MYOZ2: variants seen among roughly 807,000 people sequenced by gnomAD.
MYOZ2 encodes the protein myozenin 2.
In MYOZ2, 19 loss-of-function variants were observed where a neutral mutation model predicts 25.4. The ratio of observed to expected loss-of-function variants is 0.75; its 90% confidence interval spans 0.52 to 1.10. The LOEUF (loss-of-function observed/expected upper bound fraction) is 1.10, where lower values mean the gene tolerates loss of function less well. MYOZ2 is among the 50% of genes least tolerant of loss of function. The probability of loss-of-function intolerance (pLI) is 0.00; values close to 1 mark genes in which losing one functional copy is unlikely to be tolerated. For missense variants in MYOZ2, 270 were observed against 317.9 expected, an observed-to-expected ratio of 0.85 and a Z score of 1.15; for synonymous variants, 92 against 106.9, an observed-to-expected ratio of 0.86 and a Z score of 0.86.
chr4:119,186,225 A>C lies in MYOZ2; in HGVS notation c.*25A>C. ...AAAAGAAAGTTGTATGTGCCACATA[A>C]AACTCTGAATATAAAAGTTGCTGTT... is the stretch of plus-strand genomic sequence containing the variant. On this transcript the variant is annotated 3_prime_UTR_variant, in exon 6 of 6. Transcript: ENST00000307128. 3 of 1,567,858 alleles carry C rather than the reference A, an allele frequency of 1.9e-6. No homozygotes were observed. Among genetic ancestry groups the C allele is most frequent in the Non-Finnish European group, 2.6e-6 (3 of 1,139,160 alleles).
intron 5 of MYOZ2, among the ~76,000 whole-genome samples, chr4:119,167,162 A>G (rs1741841632): frequency 6.6e-6 from 1 of 152,244 alleles, no homozygotes; most frequent in Non-Finnish European, 1.5e-5. Context: ...CAAGGTGTGA[A>G]TGCAAAGGAA....
rs1742304153 is a variant in MYOZ2, at chr4:119,186,929, G to C, written c.*729G>C. 1 of 152,186 alleles carries C rather than the reference G, an allele frequency of 6.6e-6. No individual in the cohort carries two copies. Among genetic ancestry groups the C allele is most frequent in the Non-Finnish European group, 1.5e-5 (1 of 68,050 alleles). The allele number at this position is 152,186 out of a possible 1,614,324, so 9.4% of individuals were successfully genotyped here. A position where few individuals can be genotyped will look rare whatever the true frequency, so the allele number is the denominator to read the frequency against. ...TTCAAGTTTCACAAATCCCAATGCTGTGCATTGATTATGTTCAACTTTATG... is the reference window on the plus strand; with the variant it reads ...TTCAAGTTTCACAAATCCCAATGCTCTGCATTGATTATGTTCAACTTTATG... On this transcript the variant is annotated 3_prime_UTR_variant, in exon 6 of 6. Transcript: ENST00000307128.
At chr4:119,171,393 G>A (rs1741942595) in intron 5 of MYOZ2, among the ~76,000 whole-genome samples, 1 of 151,834 alleles carries the variant, frequency 6.6e-6, no homozygotes, top group Non-Finnish European at 1.5e-5. Context: ...TGCACTTTCT[G>A]TATCTTACAC....
At chr4:119,180,124 C>G (rs1742157721) in intron 5 of MYOZ2, among the ~76,000 whole-genome samples, 1 of 152,126 alleles carries the variant, frequency 6.6e-6, no homozygotes, top group African/African-American at 2.4e-5. Flanking sequence ...AGTAATTTAC[C>G]TTTGATCAAG....
intron 2 of MYOZ2, among the ~76,000 whole-genome samples, chr4:119,143,333 T>C (rs187154346): frequency 2.6e-5 from 4 of 152,072 alleles, no homozygotes; most frequent in African/African-American, 2.4e-5. Flanking sequence ...GTAGCTGGGA[T>C]TACAGGTGCA....
chr4:119,145,448 C>G lies in MYOZ2; in HGVS notation c.77-5424C>G, dbSNP rs368376495. ...CAACCACCTCCCAGGCTCAACTGAT[C>G]CTTCCACCTCAGCCTCCCAAGTAGC... On this transcript the variant is annotated intron_variant, in intron 2 of 5. Transcript: ENST00000307128. 1.4e-4 allele frequency among the ~76,000 whole-genome samples: 21 copies of G among 147,676 alleles called. No individual in the cohort carries two copies. The East Asian group carries it at 2.7e-3, about 19-fold the overall frequency.
chr4:119,175,611 G>T (rs1418425244), intron 5 of MYOZ2, among the ~76,000 whole-genome samples: 1 of 152,052 alleles, frequency 6.6e-6, no homozygotes, highest in Non-Finnish European at 1.5e-5. Context: ...AATTAGCCAG[G>T]TGTGGTGGCG....
chr4:119,178,134 T>C (rs968309009), intron 5 of MYOZ2, among the ~76,000 whole-genome samples: 2 of 152,176 alleles, frequency 1.3e-5, no homozygotes, highest in Non-Finnish European at 1.5e-5. Context: ...AAATGGCTGA[T>C]CATTCCCCCT....
At chr4:119,181,013 T>C (rs1199253933) in intron 5 of MYOZ2, among the ~76,000 whole-genome samples, 1 of 152,192 alleles carries the variant, frequency 6.6e-6, no homozygotes, top group Non-Finnish European at 1.5e-5. Context: ...ATAATACATA[T>C]ATATTTTTTA....
chr4:119,162,999 A>G (rs1741744034), intron 4 of MYOZ2, among the ~76,000 whole-genome samples: 1 of 152,220 alleles, frequency 6.6e-6, no homozygotes, highest in Admixed American at 6.5e-5. Context: ...TTAAAAAGTC[A>G]GAATTATCAA....
intron 2 of MYOZ2, among the ~76,000 whole-genome samples, chr4:119,139,197 G>A (rs904507530): frequency 1.3e-5 from 2 of 152,066 alleles, no homozygotes; most frequent in Admixed American, 6.6e-5. Flanking sequence ...CAGGCTGCCT[G>A]CTTTTAGATT....
chr4:119,147,055 T>C (rs1022785836), intron 2 of MYOZ2, among the ~76,000 whole-genome samples: 29 of 152,264 alleles, frequency 1.9e-4, no homozygotes, highest in Middle Eastern at 3.4e-3. Flanking sequence ...TTGATATATA[T>C]TTTTCCAATC....
intron 5 of MYOZ2, among the ~76,000 whole-genome samples, chr4:119,178,246 A>G (rs909347054): frequency 6.6e-6 from 1 of 152,152 alleles, no homozygotes; most frequent in Non-Finnish European, 1.5e-5. Context: ...CAAACTCCGT[A>G]TGTTAGGAAC....
chr4:119,137,283 G>A (rs1039931171), intron 2 of MYOZ2, among the ~76,000 whole-genome samples: 3 of 152,062 alleles, frequency 2.0e-5, no homozygotes, highest in African/African-American at 7.2e-5. Context: ...CAACTAACTT[G>A]AGAAAGCAAT....
Position 119,185,007 on chromosome 4 carries a change from G to A in MYOZ2, c.561-959G>A, listed in dbSNP as rs1463911378. 3.9e-5 allele frequency among the ~76,000 whole-genome samples: 6 copies of A among 152,166 alleles called. No homozygotes were observed. In the South Asian group the frequency reaches 1.0e-3, roughly 26 times the overall value. ...GGCAGGGATAGTTTGAAGGAAGTTA[G>A]AACTGCAAGACTATAGGACATACAC... On this transcript the variant is annotated intron_variant, in intron 5 of 5. Transcript: ENST00000307128.
chr4:119,143,842 T>C (rs1419321745), intron 2 of MYOZ2, among the ~76,000 whole-genome samples: 1 of 152,222 alleles, frequency 6.6e-6, no homozygotes, highest in East Asian at 1.9e-4. Flanking sequence ...CTTAGAAATA[T>C]ACATTTAAGA....
chr4:119,181,251 G>A (rs1200711729), intron 5 of MYOZ2, among the ~76,000 whole-genome samples: 14 of 151,968 alleles, frequency 9.2e-5, no homozygotes, highest in Non-Finnish European at 1.9e-4. Context: ...TGTTAACTTT[G>A]TCTAGTACTT....
chr4:119,153,676 T>C (rs1000889443), intron 3 of MYOZ2, among the ~76,000 whole-genome samples: 13 of 152,022 alleles, frequency 8.6e-5, no homozygotes, highest in African/African-American at 3.1e-4. Flanking sequence ...AATGAAAATA[T>C]AAACCACCCC....
chr4:119,145,029 CAAAGATATACT>C (rs1318722883), intron 2 of MYOZ2, among the ~76,000 whole-genome samples: 1 of 152,086 alleles, frequency 6.6e-6, no homozygotes, highest in Non-Finnish European at 1.5e-5. Context: ...CCCTAGGTCC[CAAAGATATACT>C]AAAGTGATTT....
Sources: gnomAD v4.1 joint callset for allele counts (sites outside exome capture counted in the v4.1 genomes callset) on GRCh38, gnomAD v4.1.1 for gene constraint, MANE v1.5 for transcripts, NCBI Gene and HGNC (gene_info 2026-07-23, HGNC 2026-07-21) for gene names.